The following EIPR1 variants were observed in gnomAD, a reference collection of about 807,000 sequenced individuals.
EIPR1 encodes the protein EARP and GARP complex-interacting protein 1.
A neutral mutation model predicts 48.1 loss-of-function variants in EIPR1; 25 were observed. That is an observed-to-expected ratio of 0.52 (90% CI 0.38 to 0.73). EIPR1 has a LOEUF of 0.73. Ranked by LOEUF, EIPR1 falls within the 30% of genes least tolerant of loss-of-function variation. The pLI, the probability that EIPR1 is intolerant of heterozygous loss-of-function variation, is 0.00. For synonymous variants in EIPR1, 204 were observed against 201.9 expected (o/e 1.01, Z -0.09); for missense variants, 415 against 506.2 (o/e 0.82, Z 1.73).
intron 8 of EIPR1, among the ~76,000 whole-genome samples, chr2:3,190,528 A>T (rs539062227): frequency 6.6e-6 from 1 of 152,146 alleles, no homozygotes; most frequent in South Asian, 2.1e-4. Context: ...GGACTGAGGG[A>T]TGTCCTAAGA....
chr2:3,242,261 CGGCTGG>C (rs1558245890), intron 4 of EIPR1, among the ~76,000 whole-genome samples: 965 of 16,688 alleles, frequency 0.058, 13 homozygotes, highest in Middle Eastern at 0.3. Flanking sequence ...CAGCCACTGA[CGGCTGG>C]AAGACAGAGA....
intron 3 of EIPR1, among the ~76,000 whole-genome samples, chr2:3,265,976 C>CCCA (rs1360180897): frequency 1.2e-4 from 18 of 152,318 alleles, no homozygotes; most frequent in African/African-American, 4.3e-4. Flanking sequence ...CCACTACCTA[C>CCCA]TTTTCACATG....
chr2:3,366,299 T>C (rs1313000918), intron 1 of EIPR1, among the ~76,000 whole-genome samples: 1 of 151,964 alleles, frequency 6.6e-6, no homozygotes, highest in Non-Finnish European at 1.5e-5. Flanking sequence ...CAGCAAAAAC[T>C]TGTTTCAAAA....
intron 3 of EIPR1, among the ~76,000 whole-genome samples, chr2:3,266,937 C>T (rs1572375730): frequency 1.3e-5 from 2 of 152,256 alleles, no homozygotes; most frequent in African/African-American, 4.8e-5. Context: ...GCTCACAGGC[C>T]TATGGCCCCT....
chr2:3,327,861 A>ATT lies in EIPR1; in HGVS notation c.259+10154_259+10155dup, dbSNP rs113905521. Among the ~76,000 whole-genome samples the ATT allele has an allele frequency of 2.1e-3, 318 of 149,854 alleles. 1 individual carries two copies. Among genetic ancestry groups the ATT allele is most frequent in the African/African-American group, 7.2e-3 (292 of 40,762 alleles). ...AAACTCCACAGATGAACTATCCTGT[A>ATT]TTTTTTTTTTCTTTTTGAGATAGGG... On this transcript the variant is annotated intron_variant, in intron 3 of 8. Coordinates refer to ENST00000382125, the MANE Select transcript of EIPR1 (RefSeq NM_003310.5).
intron 4 of EIPR1, among the ~76,000 whole-genome samples, chr2:3,253,601 G>A (rs1667067779): frequency 6.6e-6 from 1 of 152,160 alleles, no homozygotes; most frequent in African/African-American, 2.4e-5. Context: ...CGAGAAACCG[G>A]ACTCAGTACT....
intron 8 of EIPR1, 36 bp downstream of exon 8, chr2:3,192,378 G>A: frequency 6.4e-7 from 1 of 1,550,910 alleles, no homozygotes; most frequent in Non-Finnish European, 8.7e-7. Flanking sequence ...GGAGGCTCTG[G>A]TACAGCGTGA....
rs556495425 is a variant in EIPR1 at position 3,278,089 on chromosome 2, T to C, written c.260-20634A>G. On this transcript the variant is annotated intron_variant, in intron 3 of 8. Transcript: ENST00000382125. ...ATAACAGGAGGGTCTGCACCTGTGG[T>C]TGAACTTCACCTGGTCCCACCACCG... Among the ~76,000 whole-genome samples, 3 of 152,266 alleles carry C rather than the reference T, an allele frequency of 2.0e-5. No homozygotes were observed. In the South Asian group the frequency reaches 6.2e-4, roughly 32 times the overall value.
chr2:3,230,053 A>C (rs1276883492), intron 4 of EIPR1, among the ~76,000 whole-genome samples: 1 of 152,110 alleles, frequency 6.6e-6, no homozygotes, highest in African/African-American at 2.4e-5. Flanking sequence ...ACATTTTTCC[A>C]TTTGTTTGCA....
chr2:3,201,814 A>G lies in EIPR1; in HGVS notation c.517-4797T>C, dbSNP rs923720787. Reference sequence around the variant, plus strand: ...AGAATTGGTAGCAACATTACGTCAAAAACTAGCAATGATTCGAGTGTACAC... The same window carrying G: ...AGAATTGGTAGCAACATTACGTCAAGAACTAGCAATGATTCGAGTGTACAC... On this transcript the variant is annotated intron_variant, in intron 5 of 8. Coordinates refer to ENST00000382125, the MANE Select transcript of EIPR1 (RefSeq NM_003310.5). Among the ~76,000 whole-genome samples, 8 of 152,374 alleles carry G rather than the reference A, an allele frequency of 5.3e-5. No homozygotes were observed. The East Asian group carries it at 1.5e-3, about 29-fold the overall frequency.
At chr2:3,212,516 A>G (rs1665491523) in intron 5 of EIPR1, among the ~76,000 whole-genome samples, 1 of 152,146 alleles carries the variant, frequency 6.6e-6, no homozygotes, top group Non-Finnish European at 1.5e-5. Context: ...CCCAAAGCCT[A>G]CCGTGAGCCT....
intron 4 of EIPR1, among the ~76,000 whole-genome samples, chr2:3,244,940 C>T (rs1369407682): frequency 6.6e-6 from 1 of 152,072 alleles, no homozygotes; most frequent in Non-Finnish European, 1.5e-5. Flanking sequence ...AACTAAAATC[C>T]TAGGGGAGAT....
In EIPR1 at chr2:3,214,165, C is replaced by A; in HGVS notation, c.500G>T (p.Ser167Ile). 6.2e-7 allele frequency: 1 copy of A among 1,613,708 alleles called. No individual in the cohort carries two copies. Among genetic ancestry groups the A allele is most frequent in the Non-Finnish European group, 8.5e-7 (1 of 1,179,790 alleles). The change falls in exon 5 of 9, where the codon AGC (serine) becomes ATC (isoleucine). Residue 167 changes from serine (S) to isoleucine (I), a missense_variant. Ser to Ile is a moderately radical substitution (Grantham distance 142). Transcript: ENST00000382125. ...NHILLWDLQE[S>I]SSQAVLASSA... Reference sequence around the variant, plus strand: ...TTTACTTACCACAGCCTGGCTCGAGCTTTCCTGTAAATCCCACAGCAGGAT... The same window carrying A: ...TTTACTTACCACAGCCTGGCTCGAGATTTCCTGTAAATCCCACAGCAGGAT...
chr2:3,271,777 A>T (rs1283812770), intron 3 of EIPR1, among the ~76,000 whole-genome samples: 1 of 152,236 alleles, frequency 6.6e-6, no homozygotes, highest in African/African-American at 2.4e-5. Flanking sequence ...CTTCAACTTA[A>T]AAGTCAACAA....
At chr2:3,346,571 C>G (rs11127415) in intron 2 of EIPR1, among the ~76,000 whole-genome samples, 48,124 of 152,008 alleles carry the variant, frequency 0.32, 10,710 homozygotes, top group African/African-American at 0.63. Context: ...TGTCAGGGAT[C>G]GCAAGGTGTC....
At chr2:3,214,348 T>A (rs987772005) in intron 4 of EIPR1, 100 bp from the exon 5 acceptor site, 15 of 1,086,532 alleles carry the variant, frequency 1.4e-5, no homozygotes, top group Non-Finnish European at 2.0e-5. Context: ...GCAGGAAATC[T>A]TTTCCGGCCT....
Position 3,327,546 on chromosome 2 carries a change from G to T in EIPR1, c.259+10471C>A, listed in dbSNP as rs114392074. 7.2e-3 allele frequency among the ~76,000 whole-genome samples: 1,101 copies of T among 152,292 alleles called. 13 individuals carry two copies. Among genetic ancestry groups the T allele is most frequent in the African/African-American group, 0.026 (1,060 of 41,556 alleles). On this transcript the variant is annotated intron_variant, in intron 3 of 8. Coordinates refer to ENST00000382125, the MANE Select transcript of EIPR1 (RefSeq NM_003310.5). The stretch of plus-strand genomic sequence containing the variant: ...AGGTCTGCAACATGATGCTGAGATA[G>T]AGAGAAAAGGTCACTATAGTGAAGC...
intron 1 of EIPR1, among the ~76,000 whole-genome samples, chr2:3,354,862 C>T (rs899345426): frequency 1.3e-5 from 2 of 151,862 alleles, no homozygotes; most frequent in South Asian, 2.1e-4. Flanking sequence ...TAAATGGGTA[C>T]AAAATTAAGT....
chr2:3,277,845 CT>C (rs1294799492), intron 3 of EIPR1, among the ~76,000 whole-genome samples: 1 of 152,216 alleles, frequency 6.6e-6, no homozygotes, highest in African/African-American at 2.4e-5. Context: ...TGGAAAGGAG[CT>C]ACATGAAAAG....
Sources: allele counts gnomAD v4.1 joint callset (sites outside exome capture counted in the v4.1 genomes callset), GRCh38; gene constraint gnomAD v4.1.1; transcripts MANE v1.5; gene names NCBI Gene and HGNC (gene_info 2026-07-23, HGNC 2026-07-21).